The following DEPDC5 variants were observed in gnomAD, a reference collection of about 807,000 sequenced individuals.
DEPDC5 encodes the protein GATOR1 complex protein DEPDC5.
Under a neutral mutation model 217.3 loss-of-function variants are expected in DEPDC5, and 73 were observed. That is an observed-to-expected ratio of 0.34 (90% CI 0.28 to 0.41). The LOEUF is 0.41. DEPDC5 is among the 10% of genes least tolerant of loss of function. The pLI is 1.00. For synonymous variants in DEPDC5, 733 were observed against 756.7 expected (o/e 0.97, Z 0.51); for missense variants, 1,675 against 2,070.1 (o/e 0.81, Z 3.70).
intron 39 of DEPDC5, 84 bp downstream of exon 39, chr22:31,893,835 T>G: frequency 7.2e-7 from 1 of 1,383,390 alleles, no homozygotes; most frequent in East Asian, 2.7e-5. Flanking sequence ...CATGTCACTT[T>G]AATTTTTTAG....
chr22:31,897,497 C>T lies in DEPDC5; in HGVS notation c.4219C>T (p.Arg1407Trp), dbSNP rs1277947396. 2 of 1,612,676 alleles carry T rather than the reference C, an allele frequency of 1.2e-6. No homozygotes were observed. Among genetic ancestry groups the T allele is most frequent in the African/African-American group, 1.3e-5 (1 of 74,980 alleles). Residue 1407 changes from arginine to tryptophan, a missense_variant, in exon 40 of 43, where the codon CGG (arginine) becomes TGG (tryptophan). Around this residue, in one of 11 missense-constraint regions of DEPDC5, gnomAD observed 182 missense variants for 290.1 expected, o/e 0.63. Coordinates refer to ENST00000651528, the MANE Select transcript of DEPDC5 (RefSeq NM_001242896.3). ...VLFEMVQGWH[R>W]KATSCGFLLV... is the part of the protein sequence containing the mutation. Reference sequence around the variant, plus strand: ...TTTCCGCCAGGTCCAAGGTTGGCATCGGAAAGCCACCTCCTGTGGCTTCTT... The same window carrying T: ...TTTCCGCCAGGTCCAAGGTTGGCATTGGAAAGCCACCTCCTGTGGCTTCTT...
chr22:31,883,473 T>C (rs2093231121), intron 38 of DEPDC5, among the ~76,000 whole-genome samples: 1 of 152,312 alleles, frequency 6.6e-6, no homozygotes, highest in South Asian at 2.1e-4. Context: ...CCAGTGGTGG[T>C]TGCTTCAGTC....
intron 38 of DEPDC5, among the ~76,000 whole-genome samples, chr22:31,884,402 C>T (rs757211632): frequency 3.3e-5 from 5 of 152,312 alleles, no homozygotes; most frequent in African/African-American, 4.8e-5. Context: ...CTATTCCCTC[C>T]GCTGGAACAG....
rs917751956 is a variant in DEPDC5 at position 31,902,153 on chromosome 22, A to G, written c.4436+351A>G. On this transcript the variant is annotated intron_variant, in intron 41 of 42. Coordinates refer to ENST00000651528, the MANE Select transcript of DEPDC5 (RefSeq NM_001242896.3). Reference sequence around the variant, plus strand: ...GTGTCAAGAGCCCAACACAGGTTGAAAAGACAATGAATGGTTAAAAAGCAA... The same window carrying G: ...GTGTCAAGAGCCCAACACAGGTTGAGAAGACAATGAATGGTTAAAAAGCAA... 5.9e-5 allele frequency among the ~76,000 whole-genome samples: 9 copies of G among 152,246 alleles called. No individual in the cohort carries two copies. The East Asian group carries it at 1.7e-3, about 29-fold the overall frequency.
Position 31,879,043 on chromosome 22 carries a change from A to AAAAAAAAAT in DEPDC5, c.3806-481_3806-480insAAAAAAATA, listed in dbSNP as rs763615141. On this transcript the variant is annotated intron_variant, in intron 37 of 42. Transcript: ENST00000651528. ...AGACTCCGTCTCAAAAAAAAAAAAA[A>AAAAAAAAAT]ATATATATATATATATATATATATA... is the stretch of plus-strand genomic sequence containing the variant. Among the ~76,000 whole-genome samples the AAAAAAAAAT allele has an allele frequency of 5.2e-4, 62 of 119,444 alleles. 1 individual carries two copies. Among genetic ancestry groups the AAAAAAAAAT allele is most frequent in the South Asian group, 4.0e-3 (14 of 3,498 alleles). The allele number at this position is 119,444 out of a possible 152,430, so 78.4% of individuals were successfully genotyped here.
intron 38 of DEPDC5, 68 bp from the exon 39 acceptor site, chr22:31,893,510 CTTAG>C: frequency 7.2e-7 from 1 of 1,390,294 alleles, no homozygotes; most frequent in Non-Finnish European, 9.5e-7. Flanking sequence ...TATCTGGATA[CTTAG>C]TTATTTGTTC....
rs551555808 is a variant in DEPDC5, at chr22:31,793,320, G to T, written c.767+503G>T. ...CTTGCCGTCTCCAAGATATCATGTTGCATTTAGACCTTCTAAATGTTTTAT... is the reference window on the plus strand; with the variant it reads ...CTTGCCGTCTCCAAGATATCATGTTTCATTTAGACCTTCTAAATGTTTTAT... On this transcript the variant is annotated intron_variant, in intron 12 of 42. Coordinates refer to ENST00000651528, the MANE Select transcript of DEPDC5 (RefSeq NM_001242896.3). Among the ~76,000 whole-genome samples the T allele has an allele frequency of 1.1e-4, 16 of 152,066 alleles. No individual in the cohort carries two copies. In the South Asian group the frequency reaches 3.3e-3, roughly 32 times the overall value.
intron 8 of DEPDC5, among the ~76,000 whole-genome samples, chr22:31,783,081 A>C (rs1268922974): frequency 1.3e-5 from 2 of 152,168 alleles, no homozygotes; most frequent in Non-Finnish European, 2.9e-5. Context: ...TAAATGCACC[A>C]ATCAGCGCTC....
intron 15 of DEPDC5, among the ~76,000 whole-genome samples, chr22:31,803,175 G>A (rs1167688529): frequency 6.6e-6 from 1 of 151,932 alleles, no homozygotes; most frequent in Non-Finnish European, 1.5e-5. Flanking sequence ...CTGGAGGGAT[G>A]ATTTCAAGGG....
intron 24 of DEPDC5, among the ~76,000 whole-genome samples, chr22:31,824,830 A>G (rs1177697652): frequency 6.6e-6 from 1 of 151,584 alleles, no homozygotes; most frequent in Non-Finnish European, 1.5e-5. Context: ...AAATAAAATA[A>G]CTGGGCGTGG....
chr22:31,866,110 G>T (rs376222287), intron 33 of DEPDC5, among the ~76,000 whole-genome samples: 1 of 152,170 alleles, frequency 6.6e-6, no homozygotes, highest in Non-Finnish European at 1.5e-5. Flanking sequence ...AGACCCATGG[G>T]GGATGCCTGT....
At chr22:31,820,565 C>T (rs530791917) in intron 22 of DEPDC5, among the ~76,000 whole-genome samples, 4 of 152,228 alleles carry the variant, frequency 2.6e-5, no homozygotes, top group Admixed American at 2.0e-4. Context: ...GCCTAAACCC[C>T]GTTCTGCCCC....
At chr22:31,789,910 T>G (rs916940948) in intron 10 of DEPDC5, among the ~76,000 whole-genome samples, 1 of 152,116 alleles carries the variant, frequency 6.6e-6, no homozygotes, top group Non-Finnish European at 1.5e-5. Flanking sequence ...CCTGGCTGAT[T>G]AGCTTTTTGG....
intron 20 of DEPDC5, among the ~76,000 whole-genome samples, chr22:31,812,115 A>C (rs2088436796): frequency 6.6e-6 from 1 of 151,598 alleles, no homozygotes; most frequent in Admixed American, 6.6e-5. Flanking sequence ...CAGCCTCCCA[A>C]GTAACTGGGA....
At chr22:31,774,442 G>A (rs1019044293) in intron 7 of DEPDC5, among the ~76,000 whole-genome samples, 23 of 151,946 alleles carry the variant, frequency 1.5e-4, no homozygotes, top group African/African-American at 5.3e-4. Flanking sequence ...CAGGTAATCT[G>A]CCTGCCTCGG....
At chr22:31,798,803 G>A (rs1292672206) in intron 14 of DEPDC5, 147 bp downstream of exon 14, 4 of 679,718 alleles carry the variant, frequency 5.9e-6, no homozygotes, top group Non-Finnish European at 9.4e-6. Flanking sequence ...TAAAGTGAAA[G>A]CAAGTATATT....
At chr22:31,829,929 G>A (rs1029144948) in intron 24 of DEPDC5, among the ~76,000 whole-genome samples, 5 of 152,212 alleles carry the variant, frequency 3.3e-5, no homozygotes, top group African/African-American at 1.2e-4. Flanking sequence ...AAGAAAATAA[G>A]TGGATGCCAT....
chr22:31,829,738 T>G (rs1238197006), intron 24 of DEPDC5, among the ~76,000 whole-genome samples: 2 of 151,994 alleles, frequency 1.3e-5, no homozygotes, highest in East Asian at 3.9e-4. Context: ...ATTTGGAGTG[T>G]TGTTGGTGGG....
At position 31,810,603 on chromosome 22, in the gene DEPDC5, G is replaced by A. The variant is rs1173121537; in HGVS notation, c.1407G>A (p.Leu469=). The A allele has an allele frequency of 6.2e-7, 1 of 1,614,168 alleles. No individual in the cohort carries two copies. Among genetic ancestry groups the A allele is most frequent in the Non-Finnish European group, 8.5e-7 (1 of 1,180,036 alleles). The change falls in exon 20 of 43, where the codon CTG becomes CTA. Residue 469 remains leucine (L), a synonymous_variant. Transcript: ENST00000651528. ...CCTATGACGCTCAAGTGTTCAGGCT[G>A]CCCGGCCCATCCCGGGCCCAGTGCC... ...YDAYDAQVFR[L]PGPSRAQCLT...
Sources: gnomAD v4.1 joint callset for allele counts (sites outside exome capture counted in the v4.1 genomes callset) on GRCh38, gnomAD v4.1.1 for gene constraint, gnomAD v4.1.1 regional missense constraint, MANE v1.5 for transcripts, NCBI Gene and HGNC (gene_info 2026-07-23, HGNC 2026-07-21) for gene names.